MBTPS1: variants seen among roughly 807,000 people sequenced by gnomAD.
MBTPS1 encodes the protein membrane-bound transcription factor site-1 protease.
In MBTPS1, 94 loss-of-function variants were observed where a neutral mutation model predicts 127.8. That is an observed-to-expected ratio of 0.74 (90% CI 0.62 to 0.87). MBTPS1 has a LOEUF of 0.87. MBTPS1 is among the 40% of genes least tolerant of loss of function. MBTPS1 has a pLI of 0.00. For missense variants in MBTPS1, 1,636 were observed against 1,353.2 expected (o/e 1.21, Z -3.28); for synonymous variants, 632 against 509.4 (o/e 1.24, Z -3.24).
rs1367822275 is a variant in MBTPS1, at chr16:84,095,519, T to C, written c.625+83A>G. ...CAGTCCCGAACATGGAATTCCTGCA[T>C]GTCTGGACTTTCCGCGCCTTCCCTG... On this transcript the variant is annotated intron_variant, in intron 4 of 22. Coordinates refer to ENST00000343411, the MANE Select transcript of MBTPS1 (RefSeq NM_003791.4). The C allele has an allele frequency of 5.6e-6, 8 of 1,439,308 alleles. No homozygotes were observed. The African/African-American group carries it at 8.4e-5, about 15-fold the overall frequency. 89.2% of individuals were successfully genotyped at this position (1,439,308 alleles called of 1,614,324 possible).
In MBTPS1 at chr16:84,087,473, C is replaced by CAAAAAAAAAAAAAA; in HGVS notation, c.1032-27_1032-14dup. 2.9e-6 allele frequency: 3 copies of CAAAAAAAAAAAAAA among 1,036,172 alleles called. No homozygotes were observed. Among genetic ancestry groups the CAAAAAAAAAAAAAA allele is most frequent in the African/African-American group, 1.9e-5 (1 of 53,958 alleles). 64.2% of individuals were successfully genotyped at this position (1,036,172 alleles called of 1,614,324 possible). Reference sequence around the variant, plus strand: ...GTTATTCAGAGTGCTATATTGAGACCAAAAAAAAAAAAAAAGAAAAGAAAA... The same window carrying CAAAAAAAAAAAAAA: ...GTTATTCAGAGTGCTATATTGAGACCAAAAAAAAAAAAAAAAAAAAAAAAAAAAAGAAAAGAAAA... On this transcript the variant is annotated splice_polypyrimidine_tract_variant and intron_variant, in intron 8 of 22. Coordinates refer to ENST00000343411, the MANE Select transcript of MBTPS1 (RefSeq NM_003791.4).
At chr16:84,065,600 A>C in intron 18 of MBTPS1, 90 bp downstream of exon 18, 1 of 858,406 alleles carries the variant, frequency 1.2e-6, no homozygotes, top group Admixed American at 1.9e-5. Flanking sequence ...TTTATTAAAA[A>C]AGAGACAGAG....
At chr16:84,111,360 T>C (rs1285546566) in intron 1 of MBTPS1, among the ~76,000 whole-genome samples, 2 of 151,742 alleles carry the variant, frequency 1.3e-5, no homozygotes, top group African/African-American at 4.8e-5. Context: ...GCCAACATGG[T>C]GAAACCCCGT....
At chr16:84,067,399 C>A (rs2085701517) in intron 16 of MBTPS1, among the ~76,000 whole-genome samples, 1 of 152,174 alleles carries the variant, frequency 6.6e-6, no homozygotes, top group Admixed American at 6.5e-5. Context: ...GACACCCAGG[C>A]TGGAGTACAG....
intron 16 of MBTPS1, 26 bp from the exon 17 acceptor site, chr16:84,066,639 G>C: frequency 6.2e-7 from 1 of 1,612,270 alleles, no homozygotes; most frequent in African/African-American, 1.3e-5. Context: ...CAGACACACA[G>C]GGAACAGGGA....
intron 21 of MBTPS1, chr16:84,056,706 G>T (rs1171104313): frequency 1.3e-5 from 2 of 152,442 alleles, no homozygotes; most frequent in African/African-American, 4.8e-5. Context: ...GCAAAACGTG[G>T]GGTCCCCATC....
chr16:84,065,592 T>C, intron 18 of MBTPS1, 98 bp downstream of exon 18: 1 of 816,240 alleles, frequency 1.2e-6, no homozygotes, highest in Non-Finnish European at 2.1e-6. Flanking sequence ...ATAAAGCTTT[T>C]ATTAAAAAAG....
intron 16 of MBTPS1, among the ~76,000 whole-genome samples, chr16:84,067,090 C>T (rs552367524): frequency 6.6e-5 from 10 of 151,924 alleles, no homozygotes; most frequent in African/African-American, 2.2e-4. Context: ...TGTAAATATA[C>T]AATATTTAAA....
intron 10 of MBTPS1, chr16:84,082,203 T>C (rs569905860): frequency 5.2e-6 from 1 of 191,038 alleles, no homozygotes; most frequent in African/African-American, 2.3e-5. Flanking sequence ...AAGGCATGAA[T>C]GTATAGGAGG....
At chr16:84,081,341 C>G (rs568874448) in intron 11 of MBTPS1, among the ~76,000 whole-genome samples, 2 of 152,318 alleles carry the variant, frequency 1.3e-5, no homozygotes, top group South Asian at 4.1e-4. Context: ...AGCACAGTGT[C>G]AGTGTTTGTA....
intron 2 of MBTPS1, among the ~76,000 whole-genome samples, chr16:84,100,681 G>C (rs1247713763): frequency 6.6e-6 from 1 of 151,896 alleles, no homozygotes; most frequent in Non-Finnish European, 1.5e-5. Context: ...GAGCTGAGAT[G>C]GCACCACTGC....
intron 12 of MBTPS1, among the ~76,000 whole-genome samples, chr16:84,073,764 G>A (rs1257555824): frequency 2.6e-5 from 4 of 152,128 alleles, no homozygotes; most frequent in African/African-American, 9.7e-5. Flanking sequence ...CAGGACTCTG[G>A]GAGGCTGAGG....
chr16:84,082,143 G>GTT, intron 10 of MBTPS1: 1 of 336,800 alleles, frequency 3.0e-6, no homozygotes. Flanking sequence ...AAATGCATCA[G>GTT]TAACACATAT....
intron 5 of MBTPS1, 80 bp downstream of exon 5, chr16:84,093,631 C>A: frequency 9.9e-7 from 1 of 1,006,702 alleles, no homozygotes; most frequent in African/African-American, 1.6e-5. Flanking sequence ...TGAATAATTG[C>A]TGGACAGACT....
chr16:84,058,402 C>A (rs1004918045), intron 21 of MBTPS1, among the ~76,000 whole-genome samples: 1 of 152,154 alleles, frequency 6.6e-6, no homozygotes, highest in Non-Finnish European at 1.5e-5. Context: ...AAGAGGGTAG[C>A]CTCCTGCCTG....
Position 84,056,148 on chromosome 16 carries a change from G to C in MBTPS1, c.2832-13C>G. The C allele has an allele frequency of 1.2e-6, 2 of 1,611,492 alleles. No individual in the cohort carries two copies. The highest frequency in any genetic ancestry group is 1.3e-5 in the African/African-American group (1 of 74,966). On this transcript the variant is annotated splice_polypyrimidine_tract_variant and intron_variant, in intron 21 of 22. Transcript: ENST00000343411. ...TTTCCAAAGGTTACTTCAGGAAAATGGATTAAAACAAAACAAAAATAAGCC... is the reference window on the plus strand; with the variant it reads ...TTTCCAAAGGTTACTTCAGGAAAATCGATTAAAACAAAACAAAAATAAGCC...
chr16:84,085,076 A>G lies in MBTPS1; in HGVS notation c.1193T>C (p.Val398Ala), dbSNP rs1232867217. 1 of 1,614,130 alleles carries G rather than the reference A, an allele frequency of 6.2e-7. No individual in the cohort carries two copies. The highest frequency in any genetic ancestry group is 8.5e-7 in the Non-Finnish European group (1 of 1,180,010). Residue 398 changes from valine (V) to alanine (A), a missense_variant, in exon 10 of 23, where the codon GTG becomes GCG. Val to Ala is a moderately conservative substitution (Grantham distance 64). Transcript: ENST00000343411. ...KPDIVTYGAG[V>A]RGSGVKGGCR... ...CCCCCCTTTCACGCCAGAACCCCGC[A>G]CGCCAGCACCATAGGTGACAATGTC...
chr16:84,103,311 T>C (rs1018807645), intron 1 of MBTPS1, among the ~76,000 whole-genome samples: 2 of 150,592 alleles, frequency 1.3e-5, no homozygotes, highest in Admixed American at 6.7e-5. Flanking sequence ...CTGGAGTGGG[T>C]GGCGCAATCT....
chr16:84,092,579 CA>C (rs1321139259), intron 6 of MBTPS1, among the ~76,000 whole-genome samples: 2 of 152,158 alleles, frequency 1.3e-5, no homozygotes, highest in African/African-American at 4.8e-5. Flanking sequence ...TGGACGGGGA[CA>C]GGGGTGGGGG....
Sources: allele counts gnomAD v4.1 joint callset (sites outside exome capture counted in the v4.1 genomes callset), GRCh38; gene constraint gnomAD v4.1.1; transcripts MANE v1.5; gene names NCBI Gene and HGNC (gene_info 2026-07-23, HGNC 2026-07-21).